KIAA1755: variants seen among roughly 807,000 people sequenced by gnomAD.
KIAA1755 encodes uncharacterized protein KIAA1755.
A neutral mutation model predicts 91.7 loss-of-function variants in KIAA1755; 68 were observed. The observed-to-expected ratio is 0.74, with a 90% CI of 0.61 to 0.91. The LOEUF is 0.91. Among genes scored for constraint, KIAA1755 ranks in the 40% least tolerant of loss-of-function variants. The pLI is 0.00. For synonymous variants in KIAA1755, 610 were observed against 604.6 expected, an observed-to-expected ratio of 1.01 and a Z score of -0.13; for missense variants, 1,535 against 1,494.4, an observed-to-expected ratio of 1.03 and a Z score of -0.45.
intron 13 of KIAA1755, among the ~76,000 whole-genome samples, chr20:38,214,904 C>A (rs1311284359): frequency 6.6e-6 from 1 of 152,262 alleles, no homozygotes; most frequent in East Asian, 1.9e-4. Context: ...TCCGAAGAGA[C>A]CATCTTTCCA....
At chr20:38,217,189 G>T in intron 13 of KIAA1755, 64 bp downstream of exon 13, 1 of 1,406,294 alleles carries the variant, frequency 7.1e-7, no homozygotes, top group Non-Finnish European at 9.7e-7. Context: ...AGGTATCCCT[G>T]TCCCCACCAT....
chr20:38,213,883 C>A, intron 13 of KIAA1755, 140 bp from the exon 14 acceptor site: 1 of 580,110 alleles, frequency 1.7e-6, no homozygotes, highest in Admixed American at 3.2e-5. Context: ...CCCTGGTTTC[C>A]CTCTCTTCCC....
chr20:38,245,327 A>G (rs2076138321), intron 2 of KIAA1755, among the ~76,000 whole-genome samples: 1 of 152,260 alleles, frequency 6.6e-6, no homozygotes, highest in Admixed American at 6.5e-5. Context: ...AGCAGAGACT[A>G]GGGACAGAAA....
In KIAA1755 at chr20:38,241,187, G is replaced by A. The variant is rs774092490; in HGVS notation, c.944C>T (p.Pro315Leu). The A allele has an allele frequency of 2.5e-6, 4 of 1,614,140 alleles. No individual in the cohort carries two copies. In the South Asian group the frequency reaches 3.3e-5, roughly 13 times the overall value. Residue 315 changes from proline (P) to leucine (L), a missense_variant, in exon 3 of 14, where the codon CCC becomes CTC. Physicochemically the swap from Pro to Leu is moderately conservative, Grantham distance 98. Transcript: ENST00000279024. The stretch of plus-strand genomic sequence containing the variant: ...GAGAGGCAGTATCTTTTGAAATAAG[G>A]GAGTTTCCTTAGTTCCAGCTATCTC... ...LEEIAGTKET[P>L]LFQKILPLSE...
rs779296406 is a variant in KIAA1755, at chr20:38,241,513, T to C, written c.618A>G (p.Leu206=). ...GAGGGCTGCTCAAATCCAGTGCCTC[T>C]AATGGAAGGGGCCCCCAGGCTTGGC... ...ALCQAWGPLP[L]EALDLSSPQE... is the part of the protein sequence containing the mutation. The change falls in exon 3 of 14, where the codon TTA becomes TTG. Residue 206 remains leucine (L), a synonymous_variant. Transcript: ENST00000279024. The C allele has an allele frequency of 6.2e-7, 1 of 1,614,120 alleles. No homozygotes were observed. Among genetic ancestry groups the C allele is most frequent in the Non-Finnish European group, 8.5e-7 (1 of 1,180,054 alleles).
chr20:38,239,453 C>T (rs1176536250), intron 4 of KIAA1755, 75 bp downstream of exon 4: 1 of 1,360,356 alleles, frequency 7.4e-7, no homozygotes, highest in African/African-American at 1.4e-5. Flanking sequence ...GCCTCCCCTC[C>T]ACCCAACAGC....
intron 1 of KIAA1755, among the ~76,000 whole-genome samples, chr20:38,255,125 A>G (rs2076318079): frequency 6.6e-6 from 1 of 151,902 alleles, no homozygotes; most frequent in Non-Finnish European, 1.5e-5. Context: ...TGCAGTGAGC[A>G]GAGATTGGGC....
rs984679392 is a variant in KIAA1755 at position 38,212,570 on chromosome 20, C to T, written c.*472G>A. ...GCACCAAACACACTGATCCTTAAAT[C>T]CTCATCTCAGGGTCCATTTTCCTGG... On this transcript the variant is annotated 3_prime_UTR_variant, in exon 14 of 14. Coordinates refer to ENST00000279024, the MANE Select transcript of KIAA1755 (RefSeq NM_001029864.2). 1.3e-5 allele frequency: 2 copies of T among 157,218 alleles called. No homozygotes were observed. Among genetic ancestry groups the T allele is most frequent in the African/African-American group, 4.8e-5 (2 of 41,576 alleles). The allele number at this position is 157,218 out of a possible 1,614,324, so 9.7% of individuals were successfully genotyped here.
At chr20:38,217,218 G>A (rs749509155) in intron 13 of KIAA1755, 35 bp downstream of exon 13, 34 of 1,529,144 alleles carry the variant, frequency 2.2e-5, no homozygotes, top group South Asian at 7.1e-5. Flanking sequence ...CCAGGGGATC[G>A]GGGGGTATCT....
intron 1 of KIAA1755, among the ~76,000 whole-genome samples, chr20:38,249,435 A>G (rs1205446): frequency 0.34 from 51,757 of 152,114 alleles, 8,937 homozygotes; most frequent in Middle Eastern, 0.49. Context: ...GAGAAATACA[A>G]TAGGAACTCT....
chr20:38,258,066 G>T (rs2076370766), intron 1 of KIAA1755, among the ~76,000 whole-genome samples: 1 of 151,878 alleles, frequency 6.6e-6, no homozygotes, highest in Non-Finnish European at 1.5e-5. Context: ...TGCCCGGCTA[G>T]TTTTTTCTGT....
At chr20:38,230,606 C>T (rs1650294526) in intron 5 of KIAA1755, among the ~76,000 whole-genome samples, 1 of 152,154 alleles carries the variant, frequency 6.6e-6, no homozygotes, top group African/African-American at 2.4e-5. Flanking sequence ...ATTTGAAAAC[C>T]GGCCAGGCAC....
rs1386170608 is a variant in KIAA1755, at chr20:38,212,104, T to C, written c.*938A>G. ...GCTGAGTCCAGAGGATCACTTGAGC[T>C]TGAGATCAGCCTGCCTGGGCAACAT... On this transcript the variant is annotated 3_prime_UTR_variant, in exon 14 of 14. Transcript: ENST00000279024. 1.3e-5 allele frequency: 2 copies of C among 152,270 alleles called. No individual in the cohort carries two copies. The highest frequency in any genetic ancestry group is 3.9e-4 in the East Asian group (2 of 5,178). The allele number at this position is 152,270 out of a possible 1,614,324, so 9.4% of individuals were successfully genotyped here. A position where few individuals can be genotyped will look rare whatever the true frequency, so the allele number is the denominator to read the frequency against.
chr20:38,250,808 T>C (rs1203730625), intron 1 of KIAA1755, among the ~76,000 whole-genome samples: 4 of 151,318 alleles, frequency 2.6e-5, no homozygotes, highest in Non-Finnish European at 4.4e-5. Flanking sequence ...CAGGGCGCCA[T>C]GATGTTCTAC....
At chr20:38,260,455 T>C (rs776355590) in intron 1 of KIAA1755, 43 bp downstream of exon 1, 10 of 1,521,660 alleles carry the variant, frequency 6.6e-6, no homozygotes, top group Non-Finnish European at 7.9e-6. Context: ...CTGTGCCCAC[T>C]GAAAGGGGGC....
chr20:38,227,094 C>G, intron 7 of KIAA1755, 60 bp downstream of exon 7: 1 of 1,305,754 alleles, frequency 7.7e-7, no homozygotes, highest in Middle Eastern at 2.0e-4. Context: ...CTCCTTAACC[C>G]CAGCTCAGCT....
At chr20:38,229,550 C>T (rs749768373) in intron 5 of KIAA1755, among the ~76,000 whole-genome samples, 56 of 152,164 alleles carry the variant, frequency 3.7e-4, no homozygotes, top group East Asian at 7.7e-4. Flanking sequence ...AGTCAGGGCC[C>T]GGTGTGAGGT....
rs2075497226 is a variant in KIAA1755 at position 38,213,819 on chromosome 20, C to T, written c.2902-76G>A. 4 of 1,052,790 alleles carry T rather than the reference C, an allele frequency of 3.8e-6. No homozygotes were observed. The South Asian group carries it at 7.6e-5, about 20-fold the overall frequency. 65.2% of individuals were successfully genotyped at this position (1,052,790 alleles called of 1,614,324 possible). Reference sequence around the variant, plus strand: ...ATGGAGGACTGAATTAATAAGTGCCCAATGCCAGGGCCCCGCTCAGCTTGG... The same window carrying T: ...ATGGAGGACTGAATTAATAAGTGCCTAATGCCAGGGCCCCGCTCAGCTTGG... On this transcript the variant is annotated intron_variant, in intron 13 of 13. Transcript: ENST00000279024.
intron 2 of KIAA1755, among the ~76,000 whole-genome samples, chr20:38,243,118 GAA>G (rs2076097070): frequency 6.6e-6 from 1 of 152,166 alleles, no homozygotes; most frequent in Admixed American, 6.5e-5. Flanking sequence ...CTGGCTTTTG[GAA>G]AAAGAGTCTG....
Sources: gnomAD v4.1 joint callset for allele counts (sites outside exome capture counted in the v4.1 genomes callset) on GRCh38, gnomAD v4.1.1 for gene constraint, MANE v1.5 for transcripts, NCBI Gene and HGNC (gene_info 2026-07-23, HGNC 2026-07-21) for gene names.